Variants in DAPK1 observed in about 807,000 individuals in gnomAD.
DAPK1 encodes death associated protein kinase 1, also known as death-associated protein kinase 1.
Under a neutral mutation model 144.9 loss-of-function variants are expected in DAPK1, and 56 were observed. The observed-to-expected ratio is 0.39, with a 90% CI of 0.31 to 0.48. The LOEUF is 0.48. Ranked by LOEUF, DAPK1 falls within the 20% of genes least tolerant of loss-of-function variation. The pLI, the probability that DAPK1 is intolerant of heterozygous loss-of-function variation, is 0.95. For missense variants in DAPK1, 1,454 were observed against 1,875.4 expected, an observed-to-expected ratio of 0.78 and a Z score of 4.15; for synonymous variants, 690 against 749.0, an observed-to-expected ratio of 0.92 and a Z score of 1.29.
Position 87,698,726 on chromosome 9 carries a change from T to C in DAPK1, c.2682T>C (p.Val894=), listed in dbSNP as rs1474220707. The C allele has an allele frequency of 4.4e-6, 7 of 1,601,882 alleles. No individual in the cohort carries two copies. Among genetic ancestry groups the C allele is most frequent in the Non-Finnish European group, 5.1e-6 (6 of 1,168,820 alleles). ...LVATHADIMN[V]PRPAGGEFGY... ...CCACCCACGCTGACATCATGAATGT[T>C]CCTCGACCGGCTGGAGGCGAGTTTG... The change falls in exon 23 of 26, where the codon GTT becomes GTC. Residue 894 remains valine, a synonymous_variant. Transcript: ENST00000408954.
At chr9:87,613,221 A>C (rs1003258224) in intron 3 of DAPK1, among the ~76,000 whole-genome samples, 1 of 152,208 alleles carries the variant, frequency 6.6e-6, no homozygotes, top group East Asian at 1.9e-4. Flanking sequence ...TCATGGTAAA[A>C]CAACATACAG....
intron 20 of DAPK1, 81 bp downstream of exon 20, chr9:87,681,707 G>A: frequency 1.3e-6 from 1 of 788,288 alleles, no homozygotes; most frequent in Non-Finnish European, 2.2e-6. Context: ...AGGGGGGAAG[G>A]GAGTTGTGTT....
intron 2 of DAPK1, among the ~76,000 whole-genome samples, chr9:87,561,129 G>A (rs571064950): frequency 1.1e-4 from 16 of 152,128 alleles, no homozygotes; most frequent in Admixed American, 8.5e-4. Context: ...TTAAAATAGC[G>A]GAACCAATAA....
At chr9:87,544,507 TTAATG>T (rs1826167336) in intron 2 of DAPK1, among the ~76,000 whole-genome samples, 1 of 152,248 alleles carries the variant, frequency 6.6e-6, no homozygotes, top group Non-Finnish European at 1.5e-5. Flanking sequence ...CTTGTGTACA[TTAATG>T]TATGTACACG....
chr9:87,612,397 A>T (rs760430971), intron 3 of DAPK1, among the ~76,000 whole-genome samples: 3 of 152,208 alleles, frequency 2.0e-5, no homozygotes, highest in Non-Finnish European at 4.4e-5. Context: ...GAATGGAGTG[A>T]AGCATCTATA....
At chr9:87,504,995 G>A (rs771731787) in intron 2 of DAPK1, among the ~76,000 whole-genome samples, 9 of 152,220 alleles carry the variant, frequency 5.9e-5, no homozygotes, top group Non-Finnish European at 1.0e-4. Context: ...AGGGCTGACT[G>A]TAGTTGTATA....
chr9:87,667,861 CAG>C (rs1427694685), intron 18 of DAPK1: 2 of 152,168 alleles, frequency 1.3e-5, no homozygotes, highest in African/African-American at 4.8e-5. Context: ...TTCTGCCTCT[CAG>C]GGGTGACTTC....
chr9:87,657,884 G>A (rs1200626713), intron 17 of DAPK1, 145 bp from the exon 18 acceptor site: 1 of 677,216 alleles, frequency 1.5e-6, no homozygotes. Flanking sequence ...CTGCCCCAGT[G>A]GAGAGCAAGT....
intron 2 of DAPK1, among the ~76,000 whole-genome samples, chr9:87,544,886 C>T (rs1351203326): frequency 6.6e-6 from 1 of 152,152 alleles, no homozygotes; most frequent in Non-Finnish European, 1.5e-5. Context: ...GTCCCATTCC[C>T]TACCCCAGCA....
At chr9:87,705,305 A>C (rs987366359) in intron 25 of DAPK1, among the ~76,000 whole-genome samples, 9 of 148,578 alleles carry the variant, frequency 6.1e-5, no homozygotes, top group Non-Finnish European at 1.2e-4. Flanking sequence ...GCAGTGGCAC[A>C]ATCTCGGCTC....
chr9:87,631,443 A>T (rs759694577), intron 3 of DAPK1, among the ~76,000 whole-genome samples: 1 of 152,176 alleles, frequency 6.6e-6, no homozygotes, highest in Non-Finnish European at 1.5e-5. Flanking sequence ...AGTAAAAGAC[A>T]TGTTGGGAGG....
intron 2 of DAPK1, among the ~76,000 whole-genome samples, chr9:87,559,352 A>G (rs1277626272): frequency 6.6e-6 from 1 of 151,348 alleles, no homozygotes; most frequent in Admixed American, 6.6e-5. Flanking sequence ...AGGGTAGGGT[A>G]GCATCTACAC....
intron 2 of DAPK1, among the ~76,000 whole-genome samples, chr9:87,602,896 C>T (rs947196422): frequency 2.0e-5 from 3 of 151,682 alleles, no homozygotes; most frequent in Non-Finnish European, 2.9e-5. Flanking sequence ...CCTCCCAAAG[C>T]GGTTTTTCTT....
intron 2 of DAPK1, among the ~76,000 whole-genome samples, chr9:87,519,053 A>C (rs568008676): frequency 3.9e-5 from 6 of 152,216 alleles, no homozygotes; most frequent in African/African-American, 1.2e-4. Flanking sequence ...TCGGACTGAT[A>C]GGAGGAAGAG....
chr9:87,556,879 G>T (rs1205579825), intron 2 of DAPK1, among the ~76,000 whole-genome samples: 4 of 152,194 alleles, frequency 2.6e-5, no homozygotes, highest in Non-Finnish European at 4.4e-5. Context: ...TGCAGGCCAG[G>T]CCTCCTGGGC....
intron 2 of DAPK1, among the ~76,000 whole-genome samples, chr9:87,549,493 G>C (rs1267453592): frequency 6.6e-6 from 1 of 152,020 alleles, no homozygotes; most frequent in Non-Finnish European, 1.5e-5. Context: ...GTAGTTTGTT[G>C]GTATGGGTTA....
intron 2 of DAPK1, among the ~76,000 whole-genome samples, chr9:87,521,103 G>C (rs1825282712): frequency 6.6e-6 from 1 of 152,192 alleles, no homozygotes; most frequent in African/African-American, 2.4e-5. Context: ...TGTTCCTTAA[G>C]CTGAGCTTCA....
At chr9:87,689,227 C>T (rs1047390948) in intron 21 of DAPK1, among the ~76,000 whole-genome samples, 1 of 151,944 alleles carries the variant, frequency 6.6e-6, no homozygotes, top group Admixed American at 6.6e-5. Flanking sequence ...TCAACTTTGT[C>T]GCAGATTGGG....
At chr9:87,625,815 CG>C (rs1170364231) in intron 3 of DAPK1, among the ~76,000 whole-genome samples, 3 of 152,128 alleles carry the variant, frequency 2.0e-5, no homozygotes, top group Non-Finnish European at 2.9e-5. Context: ...TTAAAACATC[CG>C]TTTAACAAAA....
Sources: allele counts gnomAD v4.1 joint callset (sites outside exome capture counted in the v4.1 genomes callset), GRCh38; gene constraint gnomAD v4.1.1; transcripts MANE v1.5; gene names NCBI Gene and HGNC (gene_info 2026-07-23, HGNC 2026-07-21).